The following FUZ variants were observed in gnomAD, a reference collection of about 807,000 sequenced individuals.
FUZ encodes fuzzy planar cell polarity protein.
FUZ carries 31 observed loss-of-function variants against 43.1 expected under a neutral mutation model. The observed-to-expected ratio is 0.72, with a 90% confidence interval of 0.54 to 0.97. FUZ has a LOEUF of 0.97. Among genes scored for constraint, FUZ ranks in the 50% least tolerant of loss-of-function variants. The probability of loss-of-function intolerance (pLI) is 0.00; values close to 1 mark genes in which losing one functional copy is unlikely to be tolerated. For missense variants in FUZ, 539 were observed against 543.8 expected, an observed-to-expected ratio of 0.99 and a Z score of 0.09; for synonymous variants, 274 against 250.0, an observed-to-expected ratio of 1.10 and a Z score of -0.91.
intron 10 of FUZ, 121 bp from the exon 11 acceptor site, chr19:49,807,495 C>G (rs1002589589): frequency 1.9e-6 from 2 of 1,033,578 alleles, no homozygotes; most frequent in Non-Finnish European, 1.5e-6. Context: ...TTGGGAGCCT[C>G]CTGCCAGGGG....
intron 5 of FUZ, 157 bp downstream of exon 5, chr19:49,811,206 A>G (rs2123826055): frequency 1.4e-6 from 1 of 690,778 alleles, no homozygotes; most frequent in Admixed American, 2.3e-5. Context: ...GAAAAGAAAA[A>G]AAAAAAAGAA....
intron 10 of FUZ, chr19:49,808,025 G>C (rs936207636): frequency 2.2e-5 from 8 of 362,738 alleles, no homozygotes; most frequent in Admixed American, 1.9e-4. Context: ...AAGATCCCCT[G>C]TGTTCAAATA....
Position 49,811,393 on chromosome 19 carries a change from G to A in FUZ, c.462C>T (p.Cys154=), listed in dbSNP as rs780228231. ...LIGDLTQCVD[C]VIPPEGSLLQ... is the part of the protein sequence containing the mutation. ...AGAGGGACCCCTCTGGAGGAATCAC[G>A]CAGTCCACACACTGGGTCAGGTCCC... Residue 154 remains cysteine, a synonymous_variant, in exon 5 of 11, where the codon TGC becomes TGT. Transcript: ENST00000313777. 25 of 1,612,226 alleles carry A rather than the reference G, an allele frequency of 1.6e-5. No individual in the cohort carries two copies. The highest frequency in any genetic ancestry group is 8.9e-5 in the East Asian group (4 of 44,842).
At position 49,811,359 on chromosome 19, in the gene FUZ, G is replaced by A. The variant is rs753599532; in HGVS notation, c.492+4C>T. On this transcript the variant is annotated splice_donor_region_variant and intron_variant, in intron 5 of 10. Transcript: ENST00000313777. ...TGTAAGAGTTTCCATAGCATCCCCA[G>A]TACCTGCAAGAGGGACCCCTCTGGA... 2 of 1,592,260 alleles carry A rather than the reference G, an allele frequency of 1.3e-6. No homozygotes were observed. Among genetic ancestry groups the A allele is most frequent in the Non-Finnish European group, 1.7e-6 (2 of 1,165,936 alleles).
chr19:49,811,085 A>G (rs527406654), intron 5 of FUZ: 38 of 490,442 alleles, frequency 7.7e-5, no homozygotes, highest in African/African-American at 7.5e-4. Flanking sequence ...CGGGAGGCGC[A>G]GGCTGCAGTG....
chr19:49,808,223 A>G, intron 10 of FUZ, 191 bp downstream of exon 10: 1 of 666,594 alleles, frequency 1.5e-6, no homozygotes, highest in Non-Finnish European at 2.7e-6. Flanking sequence ...TTCTGAAGCC[A>G]GGCGGGGACC....
At position 49,809,710 on chromosome 19, in the gene FUZ, T is replaced by A. The variant is rs917763580; in HGVS notation, c.493-135A>T. Reference sequence around the variant, plus strand: ...CGCGCAGTGGCCATGCTCCTACGTCTCACCCTCTCTGAGCCTGAGTTCCTT... The same window carrying A: ...CGCGCAGTGGCCATGCTCCTACGTCACACCCTCTCTGAGCCTGAGTTCCTT... On this transcript the variant is annotated intron_variant, in intron 5 of 10. Coordinates refer to ENST00000313777, the MANE Select transcript of FUZ (RefSeq NM_025129.5). This position sits in a 1 kb window ranked among gnomAD's most constrained non-coding sequence, Gnocchi z 5.1. 2.4e-6 allele frequency: 2 copies of A among 826,834 alleles called. No individual in the cohort carries two copies. Among genetic ancestry groups the A allele is most frequent in the Non-Finnish European group, 3.9e-6 (2 of 509,716 alleles). 51.2% of individuals were successfully genotyped at this position (826,834 alleles called of 1,614,324 possible). A position where few individuals can be genotyped will look rare whatever the true frequency, so the allele number is the denominator to read the frequency against.
rs1429021999 is a variant in FUZ at position 49,809,589 on chromosome 19, G to C, written c.493-14C>G. ...GGAGAGGGCTTCCTGGGTACGGGAGGCAGGAGGACTGGGAGTCAGCAGACA... is the reference window on the plus strand; with the variant it reads ...GGAGAGGGCTTCCTGGGTACGGGAGCCAGGAGGACTGGGAGTCAGCAGACA... On this transcript the variant is annotated splice_polypyrimidine_tract_variant and intron_variant, in intron 5 of 10. Coordinates refer to ENST00000313777, the MANE Select transcript of FUZ (RefSeq NM_025129.5). This position sits in a 1 kb window ranked among gnomAD's most constrained non-coding sequence, Gnocchi z 5.1. 6.3e-7 allele frequency: 1 copy of C among 1,581,326 alleles called. No individual in the cohort carries two copies. Among genetic ancestry groups the C allele is most frequent in the East Asian group, 2.3e-5 (1 of 43,996 alleles).
In FUZ at chr19:49,809,098, G is replaced by A; in HGVS notation, c.786+65C>T. 7.0e-7 allele frequency: 1 copy of A among 1,424,556 alleles called. No homozygotes were observed. The highest frequency in any genetic ancestry group is 9.7e-7 in the Non-Finnish European group (1 of 1,032,594). 88.2% of individuals were successfully genotyped at this position (1,424,556 alleles called of 1,614,324 possible). The stretch of plus-strand genomic sequence containing the variant: ...AAGATGCCGCTGGCAGGGCAGGGTG[G>A]TGGGGAAGGGCCCTCCTGGTAGCGG... On this transcript the variant is annotated intron_variant, in intron 7 of 10. Transcript: ENST00000313777. This position sits in a 1 kb window ranked among gnomAD's most constrained non-coding sequence, Gnocchi z 5.1.
At chr19:49,813,387 T>C, upstream of FUZ, 1 of 523,248 alleles carries the variant, frequency 1.9e-6, no homozygotes, top group Non-Finnish European at 3.5e-6. Context: ...CAAAGCTTTC[T>C]AGTTTCTCCG....
Position 49,813,285 on chromosome 19 carries a change from A to C in FUZ, c.-179T>G, listed in dbSNP as rs1002533642. ...CAACTCAAACAGACCCTCAAACCCT[A>C]TTCAGGCACCTCCCCCAAACCCATT... is the stretch of plus-strand genomic sequence containing the variant. On this transcript the variant is annotated 5_prime_UTR_variant, in exon 1 of 11. Transcript: ENST00000313777. 1.4e-6 allele frequency: 1 copy of C among 703,734 alleles called. No individual in the cohort carries two copies. The allele number at this position is 703,734 out of a possible 1,614,324, so 43.6% of individuals were successfully genotyped here.
At chr19:49,811,929 G>A (rs1279924633) in intron 3 of FUZ, among the ~76,000 whole-genome samples, 2 of 152,136 alleles carry the variant, frequency 1.3e-5, no homozygotes, top group Admixed American at 6.6e-5. Flanking sequence ...CCAATATGGT[G>A]AAACCCCGTC....
In FUZ at chr19:49,807,358, C is replaced by T. The variant is rs1248334306; in HGVS notation, c.1050G>A (p.Glu350=). The T allele has an allele frequency of 6.2e-7, 1 of 1,613,158 alleles. No individual in the cohort carries two copies. Among genetic ancestry groups the T allele is most frequent in the South Asian group, 1.1e-5 (1 of 90,982 alleles). Residue 350 remains glutamate (E), a synonymous_variant, in exon 11 of 11, where the codon GAG becomes GAA. Coordinates refer to ENST00000313777, the MANE Select transcript of FUZ (RefSeq NM_025129.5). ...CCTGGTAGACCTCATCTTCTGTCTT[C>T]TCTGGTGGCCCTGGCTCTGGAGAAA... is the stretch of plus-strand genomic sequence containing the variant. ...THFPPEPGPP[E]KTEDEVYQAQ...
chr19:49,811,900 G>A (rs753861693), intron 3 of FUZ, among the ~76,000 whole-genome samples: 15 of 152,154 alleles, frequency 9.9e-5, no homozygotes, highest in Admixed American at 1.3e-4. Context: ...TTGAGGTCAG[G>A]AGTTTGAGAC....
chr19:49,812,216 T>C (rs773340779), intron 3 of FUZ, 35 bp downstream of exon 3: 1 of 1,487,146 alleles, frequency 6.7e-7, no homozygotes, highest in South Asian at 1.2e-5. Context: ...CTCAGATTCC[T>C]GGTCTGGGGA....
rs190253776 is a variant in FUZ at position 49,809,655 on chromosome 19, T to A, written c.493-80A>T. The A allele has an allele frequency of 1.2e-4, 166 of 1,441,752 alleles. No homozygotes were observed. In the African/African-American group the frequency reaches 1.6e-3, roughly 14 times the overall value. 89.3% of individuals were successfully genotyped at this position (1,441,752 alleles called of 1,614,324 possible). A position where few individuals can be genotyped will look rare whatever the true frequency, so the allele number is the denominator to read the frequency against. ...AGCGACTTCCCAGATGGGCAGGGAATGGGGAGAAACCCACAGCCAGCCCCG... is the reference window on the plus strand; with the variant it reads ...AGCGACTTCCCAGATGGGCAGGGAAAGGGGAGAAACCCACAGCCAGCCCCG... On this transcript the variant is annotated intron_variant, in intron 5 of 10. Coordinates refer to ENST00000313777, the MANE Select transcript of FUZ (RefSeq NM_025129.5). The surrounding 1 kb of genome is among the most constrained non-coding windows in gnomAD (Gnocchi z 5.1).
chr19:49,808,968 G>C lies in FUZ; in HGVS notation c.787-145C>G, dbSNP rs146250906. The C allele has an allele frequency of 9.2e-3, 8,000 of 867,408 alleles. 60 individuals are homozygous for C. The highest frequency in any genetic ancestry group is 0.021 in the Middle Eastern group (65 of 3,080). The allele number at this position is 867,408 out of a possible 1,614,324, so 53.7% of individuals were successfully genotyped here. A position where few individuals can be genotyped will look rare whatever the true frequency, so the allele number is the denominator to read the frequency against. On this transcript the variant is annotated intron_variant, in intron 7 of 10. Coordinates refer to ENST00000313777, the MANE Select transcript of FUZ (RefSeq NM_025129.5). Reference sequence around the variant, plus strand: ...TGGAGGGCGGAGGGCAGAAGGGACTGGGGAAGGGGCGAGGCCTGGAAGAAT... The same window carrying C: ...TGGAGGGCGGAGGGCAGAAGGGACTCGGGAAGGGGCGAGGCCTGGAAGAAT...
chr19:49,811,181 G>T (rs549757984), intron 5 of FUZ, 182 bp downstream of exon 5: 6 of 657,748 alleles, frequency 9.1e-6, no homozygotes, highest in East Asian at 5.5e-5. Flanking sequence ...AAAGAAAAAA[G>T]AAAAGAAAGA....
At position 49,811,434 on chromosome 19, in the gene FUZ, C is replaced by A. The variant is rs756077603; in HGVS notation, c.421G>T (p.Asp141Tyr). The change falls in exon 5 of 11, where the codon GAC (aspartate) becomes TAC (tyrosine). Residue 141 changes from aspartate to tyrosine, a missense_variant. Physicochemically the swap from Asp to Tyr is radical, Grantham distance 160. Coordinates refer to ENST00000313777, the MANE Select transcript of FUZ (RefSeq NM_025129.5). ...SYCLIDSFLGDSELIGDLTQC... is the reference protein window; with the variant it reads ...SYCLIDSFLGYSELIGDLTQC... ...GTCAGGTCCCCGATGAGCTCCGAGT[C>A]CCCCAGGAAGCTGTCGATGAGGCAA... 4.3e-6 allele frequency: 7 copies of A among 1,613,864 alleles called. No homozygotes were observed. The African/African-American group carries it at 8.0e-5, about 18-fold the overall frequency.
Sources: allele counts gnomAD v4.1 joint callset (sites outside exome capture counted in the v4.1 genomes callset), GRCh38; gene constraint gnomAD v4.1.1; non-coding constraint Gnocchi (gnomAD v3.1); transcripts MANE v1.5; gene names NCBI Gene and HGNC (gene_info 2026-07-23, HGNC 2026-07-21).